The following ACOX3 variants were observed in gnomAD, a reference collection of about 807,000 sequenced individuals.
ACOX3 encodes peroxisomal acyl-coenzyme A oxidase 3.
In ACOX3, 73 loss-of-function variants were observed where a neutral mutation model predicts 81.5. The observed-to-expected ratio is 0.90, with a 90% CI of 0.74 to 1.09. The LOEUF is 1.09. Among genes scored for constraint, ACOX3 ranks in the 50% least tolerant of loss-of-function variants. The pLI, the probability that ACOX3 is intolerant of heterozygous loss-of-function variation, is 0.00. For missense variants in ACOX3, 947 were observed against 928.0 expected (o/e 1.02, Z -0.27); for synonymous variants, 387 against 375.1 (o/e 1.03, Z -0.37).
At chr4:8,396,386 C>T (rs920069815) in intron 9 of ACOX3, among the ~76,000 whole-genome samples, 1 of 152,208 alleles carries the variant, frequency 6.6e-6, no homozygotes, top group Admixed American at 6.5e-5. Context: ...CCCATCCTTG[C>T]TTCTTTCTGG....
rs781164519 is a variant in ACOX3 at position 8,370,561 on chromosome 4, TG to T, written c.1983+346del. Among the ~76,000 whole-genome samples the T allele has an allele frequency of 4.7e-5, 4 of 84,646 alleles. No individual in the cohort carries two copies. Among genetic ancestry groups the T allele is most frequent in the African/African-American group, 9.5e-5 (2 of 20,948 alleles). The allele number at this position is 84,646 out of a possible 152,430, so 55.5% of individuals were successfully genotyped here. On this transcript the variant is annotated intron_variant, in intron 17 of 17. Transcript: ENST00000356406. This position sits in a 1 kb window ranked among gnomAD's most constrained non-coding sequence, Gnocchi z 6.3. ...CTGCAGGGCCAGGAGCATGGTCAGA[TG>T]GGGGTAAGACCTGGGACCGGGGAGG...
Position 8,415,831 on chromosome 4 carries a change from C to T in ACOX3, c.313G>A (p.Ala105Thr), listed in dbSNP as rs142858214. 249 of 1,613,964 alleles carry T rather than the reference C, an allele frequency of 1.5e-4. No homozygotes were observed. The highest frequency in any genetic ancestry group is 4.3e-4 in the Admixed American group (26 of 59,990). The change falls in exon 3 of 18, where the codon GCC becomes ACC. Residue 105 changes from alanine to threonine, a missense_variant. By Grantham distance (58) the Ala-to-Thr change is moderately conservative (BLOSUM62 0). Transcript: ENST00000356406. The part of the protein sequence containing the change: ...DMFKSPLKVP[A>T]LIQCLGMYDS... ...TACATGCCCAGGCACTGAATCAAGG[C>T]GGGGACCTTCAGAGGGCTCTTGAAC...
In ACOX3 at chr4:8,381,232, G is replaced by T. The variant is rs1489374559; in HGVS notation, c.1653+260C>A. 1.3e-5 allele frequency among the ~76,000 whole-genome samples: 2 copies of T among 152,158 alleles called. No individual in the cohort carries two copies. Among genetic ancestry groups the T allele is most frequent in the African/African-American group, 4.8e-5 (2 of 41,422 alleles). On this transcript the variant is annotated intron_variant, in intron 14 of 17. Coordinates refer to ENST00000356406, the MANE Select transcript of ACOX3 (RefSeq NM_003501.3). The surrounding 1 kb of genome is among the most constrained non-coding windows in gnomAD (Gnocchi z 4.3). The stretch of plus-strand genomic sequence containing the variant: ...GGCTCTCACAACCCAGAGCTTCACC[G>T]CTCTGGTTTACGGGCTGGGAACCGT...
chr4:8,410,135 C>T (rs1721560114), intron 6 of ACOX3, 77 bp downstream of exon 6: 1 of 1,525,020 alleles, frequency 6.6e-7, no homozygotes, highest in South Asian at 1.2e-5. Context: ...CTTGTTATGA[C>T]AAAAATGACT....
chr4:8,424,220 C>A (rs1723234215), intron 1 of ACOX3, among the ~76,000 whole-genome samples: 1 of 152,174 alleles, frequency 6.6e-6, no homozygotes, highest in South Asian at 2.1e-4. Context: ...AGTGAAATAG[C>A]CAGGCCATTA....
chr4:8,410,139 A>T (rs1255343381), intron 6 of ACOX3, 73 bp downstream of exon 6: 1 of 1,533,998 alleles, frequency 6.5e-7, no homozygotes, highest in Non-Finnish European at 8.8e-7. Flanking sequence ...TTATGACAAA[A>T]ATGACTCCAG....
chr4:8,420,863 G>A (rs1171562517), intron 1 of ACOX3, among the ~76,000 whole-genome samples: 5 of 152,172 alleles, frequency 3.3e-5, no homozygotes, highest in African/African-American at 1.2e-4. Flanking sequence ...TCCCAATCGG[G>A]CTAGAGGCTC....
intron 14 of ACOX3, among the ~76,000 whole-genome samples, chr4:8,377,125 G>A (rs933223124): frequency 1.3e-5 from 2 of 152,042 alleles, no homozygotes; most frequent in Admixed American, 6.6e-5. Flanking sequence ...ACCCCAAAAC[G>A]TGCTCCCACA....
rs1195142894 is a variant in ACOX3, at chr4:8,414,754, C to T, written c.453+100G>A. ...CACTAGGAAACAAGAAGAGCATAAG[C>T]CCCCTGGGCACCCCCTTCTACAATC... On this transcript the variant is annotated intron_variant, in intron 4 of 17. Transcript: ENST00000356406. The surrounding 1 kb of genome is among the most constrained non-coding windows in gnomAD (Gnocchi z 6.1). The T allele has an allele frequency of 2.5e-6, 3 of 1,193,278 alleles. No homozygotes were observed. The highest frequency in any genetic ancestry group is 2.5e-6 in the Non-Finnish European group (2 of 811,834). 73.9% of individuals were successfully genotyped at this position (1,193,278 alleles called of 1,614,324 possible). A position where few individuals can be genotyped will look rare whatever the true frequency, so the allele number is the denominator to read the frequency against.
Position 8,370,911 on chromosome 4 carries a change from G to C in ACOX3, c.1980C>G (p.Gly660=). Residue 660 remains glycine, a synonymous_variant, in exon 17 of 18, where the codon GGC becomes GGG. Coordinates refer to ENST00000356406, the MANE Select transcript of ACOX3 (RefSeq NM_003501.3). The surrounding 1 kb of genome is among the most constrained non-coding windows in gnomAD (Gnocchi z 6.3). ...VLDSPIGRAD[G]ELYKNLWGAV... is the part of the protein sequence containing the mutation. ...TGAGGCCCTGTCCTCCCTTTACCTC[G>C]CCGTCGGCTCTGCCAATCGGTGAGT... The C allele has an allele frequency of 6.2e-7, 1 of 1,613,574 alleles. No individual in the cohort carries two copies. The highest frequency in any genetic ancestry group is 8.5e-7 in the Non-Finnish European group (1 of 1,179,910).
In ACOX3 at chr4:8,407,581, T is replaced by A. The variant is rs1379348642; in HGVS notation, c.688-1538A>T. Among the ~76,000 whole-genome samples, 1 of 152,212 alleles carries A rather than the reference T, an allele frequency of 6.6e-6. No homozygotes were observed. The highest frequency in any genetic ancestry group is 6.5e-5 in the Admixed American group (1 of 15,288). On this transcript the variant is annotated intron_variant, in intron 6 of 17. Coordinates refer to ENST00000356406, the MANE Select transcript of ACOX3 (RefSeq NM_003501.3). This position sits in a 1 kb window ranked among gnomAD's most constrained non-coding sequence, Gnocchi z 4.6. ...TTGTGGTGCTTTGCTGTGGCAGCCA[T>A]GAGAGACTAACACGGGGGCCGGTGC...
rs368525128 is a variant in ACOX3, at chr4:8,431,337, C to T, written c.-15+9311G>A. Among the ~76,000 whole-genome samples the T allele has an allele frequency of 3.5e-4, 54 of 152,330 alleles. No individual in the cohort carries two copies. The highest frequency in any genetic ancestry group is 1.2e-3 in the African/African-American group (50 of 41,574). On this transcript the variant is annotated intron_variant, in intron 1 of 17. Transcript: ENST00000356406. This position sits in a 1 kb window ranked among gnomAD's most constrained non-coding sequence, Gnocchi z 5.3. Reference sequence around the variant, plus strand: ...GTCAGACTGTAGTTCTCAGCTTTGACCGTGGCTTCACCTCGGGGCCACCTT... The same window carrying T: ...GTCAGACTGTAGTTCTCAGCTTTGATCGTGGCTTCACCTCGGGGCCACCTT...
rs1348243228 is a variant in ACOX3 at position 8,437,437 on chromosome 4, T to C, written c.-15+3211A>G. Among the ~76,000 whole-genome samples, 1 of 151,598 alleles carries C rather than the reference T, an allele frequency of 6.6e-6. No homozygotes were observed. The highest frequency in any genetic ancestry group is 1.5e-5 in the Non-Finnish European group (1 of 67,960). On this transcript the variant is annotated intron_variant, in intron 1 of 17. Coordinates refer to ENST00000356406, the MANE Select transcript of ACOX3 (RefSeq NM_003501.3). This position sits in a 1 kb window ranked among gnomAD's most constrained non-coding sequence, Gnocchi z 5.2. ...CTCACAGTAAGTGTAAAAAAGAGAATCAGAAGAAAATGGGAGAGACAGCAG... is the reference window on the plus strand; with the variant it reads ...CTCACAGTAAGTGTAAAAAAGAGAACCAGAAGAAAATGGGAGAGACAGCAG...
the ACOX3 span, among the ~76,000 whole-genome samples, chr4:8,359,988 C>CACCTTT: frequency 6.6e-6 from 1 of 152,206 alleles, no homozygotes; most frequent in African/African-American, 2.4e-5. The surrounding 1 kb of genome is among the most constrained non-coding windows in gnomAD (Gnocchi z 6.0). Flanking sequence ...GGACTTAGGA[C>CACCTTT]ACCTTTAAGC....
intron 14 of ACOX3, among the ~76,000 whole-genome samples, chr4:8,378,505 C>T (rs557768404): frequency 5.9e-5 from 9 of 151,978 alleles, no homozygotes; most frequent in African/African-American, 1.5e-4. Context: ...GCTGCGGGGA[C>T]GCCACCACCC....
At position 8,381,627 on chromosome 4, in the gene ACOX3, A is replaced by G; in HGVS notation, c.1538-20T>C. The G allele has an allele frequency of 6.4e-7, 1 of 1,568,386 alleles. No individual in the cohort carries two copies. Among genetic ancestry groups the G allele is most frequent in the Non-Finnish European group, 8.8e-7 (1 of 1,139,994 alleles). On this transcript the variant is annotated intron_variant, in intron 13 of 17. Transcript: ENST00000356406. The surrounding 1 kb of genome is among the most constrained non-coding windows in gnomAD (Gnocchi z 4.3). ...GGGCGACTTCGGAATGACAAACAGAAGGAGAAAAAGTAACAATAGAGAACA... is the reference window on the plus strand; with the variant it reads ...GGGCGACTTCGGAATGACAAACAGAGGGAGAAAAAGTAACAATAGAGAACA...
At position 8,394,611 on chromosome 4, in the gene ACOX3, C is replaced by A. The variant is rs762638342; in HGVS notation, c.1179+9G>T. On this transcript the variant is annotated intron_variant, in intron 10 of 17. Coordinates refer to ENST00000356406, the MANE Select transcript of ACOX3 (RefSeq NM_003501.3). The surrounding 1 kb of genome is among the most constrained non-coding windows in gnomAD (Gnocchi z 5.9). ...AACGATGCTGCTGAGGAAGCAGACA[C>A]CACCTCACCTGTCTGGCGCTGCGGT... is the stretch of plus-strand genomic sequence containing the variant. 6.2e-7 allele frequency: 1 copy of A among 1,612,970 alleles called. No individual in the cohort carries two copies. Among genetic ancestry groups the A allele is most frequent in the Admixed American group, 1.7e-5 (1 of 60,022 alleles).
At chr4:8,357,046 G>A in the ACOX3 span, 4 of 456,030 alleles carry the variant, frequency 8.8e-6, no homozygotes, top group African/African-American at 4.0e-5. Context: ...GCAGGTGAGA[G>A]GAAGAAAGTG....
At chr4:8,369,142 C>A (rs1288633260) in intron 17 of ACOX3, among the ~76,000 whole-genome samples, 2 of 152,166 alleles carry the variant, frequency 1.3e-5, no homozygotes, top group African/African-American at 4.8e-5. Context: ...CAGAGCAAGG[C>A]ACAGCAGGTA....
Sources: gnomAD v4.1 joint callset for allele counts (sites outside exome capture counted in the v4.1 genomes callset) on GRCh38, gnomAD v4.1.1 for gene constraint, Gnocchi (gnomAD v3.1) non-coding constraint, MANE v1.5 for transcripts, NCBI Gene and HGNC (gene_info 2026-07-23, HGNC 2026-07-21) for gene names.